The following LIPJ variants were observed in gnomAD, a reference collection of about 807,000 sequenced individuals.
LIPJ encodes lipase member J.
In LIPJ, 33 loss-of-function variants were observed where a neutral mutation model predicts 39.8. That is an observed-to-expected ratio of 0.83 (90% confidence interval 0.63 to 1.11). The LOEUF is 1.11. LIPJ is among the 50% of genes least tolerant of loss of function. The pLI, the probability that LIPJ is intolerant of heterozygous loss-of-function variation, is 0.00. For synonymous variants in LIPJ, 128 were observed against 139.2 expected, an observed-to-expected ratio of 0.92 and a Z score of 0.57; for missense variants, 422 against 427.9, an observed-to-expected ratio of 0.99 and a Z score of 0.12.
At chr10:88,600,671 T>C (rs1383759340) in intron 8 of LIPJ, among the ~76,000 whole-genome samples, 1 of 152,216 alleles carries the variant, frequency 6.6e-6, no homozygotes, top group Non-Finnish European at 1.5e-5. Context: ...CTAGGAATGA[T>C]TGCAGGGGAC....
downstream of LIPJ, among the ~76,000 whole-genome samples, chr10:88,610,807 A>G (rs1851741190): frequency 6.6e-6 from 1 of 152,244 alleles, no homozygotes; most frequent in Non-Finnish European, 1.5e-5. Context: ...AGAAATGGAC[A>G]GCATAATTTT....
At chr10:88,589,976 AG>A (rs1851026737) in intron 2 of LIPJ, among the ~76,000 whole-genome samples, 1 of 151,674 alleles carries the variant, frequency 6.6e-6, no homozygotes, top group Non-Finnish European at 1.5e-5. Context: ...TTATTATACA[AG>A]GCTCATAAGA....
intron 8 of LIPJ, among the ~76,000 whole-genome samples, chr10:88,597,980 T>C (rs1374555154): frequency 6.6e-6 from 1 of 152,012 alleles, no homozygotes; most frequent in African/African-American, 2.4e-5. Flanking sequence ...TATAAATTAT[T>C]AGAAAAGCTT....
chr10:88,613,800 A>ATATTTGTGTGTG, the LIPJ span, among the ~76,000 whole-genome samples: 1 of 74,156 alleles, frequency 1.3e-5, no homozygotes, highest in Non-Finnish European at 2.6e-5. Flanking sequence ...ATATATATAT[A>ATATTTGTGTGTG]TGTGTGTGTG....
At chr10:88,604,162 T>C (rs903702801) in intron 9 of LIPJ, among the ~76,000 whole-genome samples, 4 of 152,180 alleles carry the variant, frequency 2.6e-5, no homozygotes, top group African/African-American at 9.7e-5. Context: ...GTATTAGGCA[T>C]GCTGGGAAGT....
chr10:88,606,250 A>C (rs1442668009), intron 10 of LIPJ, among the ~76,000 whole-genome samples: 4 of 152,178 alleles, frequency 2.6e-5, no homozygotes, highest in Non-Finnish European at 5.9e-5. Context: ...TGATCTGTTC[A>C]TATAAAAGTC....
At chr10:88,622,457 C>T in the LIPJ span, among the ~76,000 whole-genome samples, 4 of 152,220 alleles carry the variant, frequency 2.6e-5, no homozygotes, top group Non-Finnish European at 4.4e-5. Context: ...GCCTGCATCT[C>T]AGTTATCTGG....
exon 11 of LIPJ, chr10:88,606,712 G>A (rs775778370): frequency 2.5e-6 from 4 of 1,612,918 alleles, no homozygotes; most frequent in South Asian, 1.1e-5. Context: ...ACATGAATGT[G>A]GCAACTGCAA....
intron 9 of LIPJ, 27 bp from the exon 10 acceptor site, chr10:88,605,605 AT>A: frequency 6.7e-7 from 1 of 1,499,432 alleles, no homozygotes; most frequent in Non-Finnish European, 9.3e-7. Context: ...AACAAATGAT[AT>A]GGTCTTATTT....
At chr10:88,592,453 T>G (rs1245061389) in intron 4 of LIPJ, 2 of 151,852 alleles carry the variant, frequency 1.3e-5, no homozygotes, top group Non-Finnish European at 2.9e-5. Flanking sequence ...GACTGATTGA[T>G]GAAATACTGT....
At chr10:88,605,503 G>A (rs368312279) in intron 9 of LIPJ, 130 bp from the exon 10 acceptor site, 31 of 682,528 alleles carry the variant, frequency 4.5e-5, no homozygotes, top group African/African-American at 4.5e-4. Flanking sequence ...AAAGAAGAAC[G>A]AAGAAGCCCA....
exon 4 of LIPJ, chr10:88,591,469 A>T: frequency 6.2e-7 from 1 of 1,601,464 alleles, no homozygotes; most frequent in Middle Eastern, 1.7e-4. Context: ...AGAATTCCTT[A>T]TTGGAGGACA....
At chr10:88,599,253 CACAT>C (rs1207498932) in intron 8 of LIPJ, among the ~76,000 whole-genome samples, 2 of 151,780 alleles carry the variant, frequency 1.3e-5, no homozygotes, top group Non-Finnish European at 2.9e-5. Flanking sequence ...TCTATCACCT[CACAT>C]AGTCATATTT....
the LIPJ span, among the ~76,000 whole-genome samples, chr10:88,616,035 GA>G: frequency 2.6e-5 from 4 of 152,126 alleles, no homozygotes; most frequent in African/African-American, 9.7e-5. Flanking sequence ...AACATAGCAA[GA>G]CCCCATCTCT....
chr10:88,583,445 G>C, upstream of LIPJ: 3 of 1,337,904 alleles, frequency 2.2e-6, no homozygotes, highest in South Asian at 5.0e-5. Context: ...CGCTTTGGGG[G>C]CCGGGCGCCC....
At chr10:88,591,350 C>T (rs755580674) in intron 3 of LIPJ, 28 bp from the exon 4 acceptor site, 1 of 1,558,244 alleles carries the variant, frequency 6.4e-7, no homozygotes, top group Non-Finnish European at 8.7e-7. Context: ...CAATTTTATG[C>T]TAAAAGATTT....
chr10:88,604,820 A>G (rs1399816544), intron 9 of LIPJ, among the ~76,000 whole-genome samples: 1 of 152,174 alleles, frequency 6.6e-6, no homozygotes, highest in Non-Finnish European at 1.5e-5. Flanking sequence ...CACTTTGAAT[A>G]TAAATGACAT....
chr10:88,583,229 C>G (rs760797564), upstream of LIPJ: 4 of 1,608,480 alleles, frequency 2.5e-6, no homozygotes, highest in East Asian at 4.5e-5. Flanking sequence ...GTCTCTGCGG[C>G]GGGGCCGTTC....
downstream of LIPJ, among the ~76,000 whole-genome samples, chr10:88,608,142 A>C (rs576533893): frequency 1.6e-4 from 25 of 152,308 alleles, no homozygotes; most frequent in African/African-American, 5.5e-4. Flanking sequence ...TGAAGGAAAG[A>C]TCATACTCAA....
Sources: allele counts gnomAD v4.1 joint callset (sites outside exome capture counted in the v4.1 genomes callset), GRCh38; gene constraint gnomAD v4.1.1; transcripts MANE v1.5; gene names NCBI Gene and HGNC (gene_info 2026-07-23, HGNC 2026-07-21).